Variants in CASP6 observed in about 807,000 individuals in gnomAD.
CASP6 encodes the protein caspase-6.
CASP6 carries 20 observed loss-of-function variants against 31.8 expected under a neutral mutation model. That is an observed-to-expected ratio of 0.63 (90% CI 0.44 to 0.91). CASP6 has a LOEUF of 0.91. Among genes scored for constraint, CASP6 ranks in the 40% least tolerant of loss-of-function variants. CASP6 has a pLI of 0.00. For missense variants in CASP6, 328 were observed against 361.1 expected, an observed-to-expected ratio of 0.91 and a Z score of 0.74; for synonymous variants, 130 against 127.8, an observed-to-expected ratio of 1.02 and a Z score of -0.12.
In CASP6 at chr4:109,689,548, T is replaced by C. The variant is rs758782935; in HGVS notation, c.664A>G (p.Thr222Ala). The change falls in exon 7 of 7, where the codon ACT becomes GCT. Residue 222 changes from threonine to alanine, a missense_variant. By Grantham distance (58) the Thr-to-Ala change is moderately conservative (BLOSUM62 0). Coordinates refer to ENST00000265164, the MANE Select transcript of CASP6 (RefSeq NM_001226.4). ...VAEGYYSHRE[T>A]VNGSWYIQDL... is the part of the protein sequence containing the mutation. ...TGAATGTACCATGAGCCGTTCACAG[T>C]TTCCCGGTGAGAATAATATCCTAAA... is the stretch of plus-strand genomic sequence containing the variant. The C allele has an allele frequency of 6.2e-7, 1 of 1,614,122 alleles. No homozygotes were observed. Among genetic ancestry groups the C allele is most frequent in the Non-Finnish European group, 8.5e-7 (1 of 1,180,002 alleles).
chr4:109,694,834 C>A, intron 4 of CASP6, 134 bp from the exon 5 acceptor site: 1 of 905,994 alleles, frequency 1.1e-6, no homozygotes, highest in African/African-American at 1.8e-5. Flanking sequence ...GTGGTTTTGT[C>A]TTTTTTGTTT....
the CASP6 span, among the ~76,000 whole-genome samples, chr4:109,665,939 G>A: frequency 6.6e-6 from 1 of 151,678 alleles, no homozygotes; most frequent in Non-Finnish European, 1.5e-5. Flanking sequence ...AGTGAAAAAA[G>A]GGGGAGAGTG....
chr4:109,703,528 A>T (rs1730502933), upstream of CASP6: 16 of 1,161,728 alleles, frequency 1.4e-5, no homozygotes, highest in Non-Finnish European at 1.9e-5. Context: ...GTTGGTTCTG[A>T]TTGCGCGCCG....
chr4:109,671,173 G>T, the CASP6 span, among the ~76,000 whole-genome samples: 2 of 152,160 alleles, frequency 1.3e-5, no homozygotes, highest in African/African-American at 4.8e-5. Flanking sequence ...GACAACTTTG[G>T]AGTTTTTTTA....
At position 109,697,771 on chromosome 4, in the gene CASP6, G is replaced by T; in HGVS notation, c.84-3C>A. On this transcript the variant is annotated splice_region_variant and splice_polypyrimidine_tract_variant and intron_variant, in intron 2 of 6. Transcript: ENST00000265164. ...TTTCTGCCGGATCAAACATTTCTCT[G>T]TTAATGAAAAGTTGAAAAACAATCA... The T allele has an allele frequency of 6.2e-7, 1 of 1,611,386 alleles. No individual in the cohort carries two copies. Among genetic ancestry groups the T allele is most frequent in the Non-Finnish European group, 8.5e-7 (1 of 1,179,222 alleles).
chr4:109,705,479 T>G (rs898445916), upstream of CASP6, among the ~76,000 whole-genome samples: 2 of 152,160 alleles, frequency 1.3e-5, no homozygotes, highest in Non-Finnish European at 2.9e-5. Context: ...GACTTTCAAG[T>G]CTTATTTACA....
At chr4:109,703,157 T>C (rs1730479911) in intron 1 of CASP6, among the ~76,000 whole-genome samples, 199 bp downstream of exon 1, 1 of 152,170 alleles carries the variant, frequency 6.6e-6, no homozygotes, top group African/African-American at 2.4e-5. Flanking sequence ...CGAGTGTTTC[T>C]TAGACTGAAG....
At chr4:109,669,668 T>C in the CASP6 span, among the ~76,000 whole-genome samples, 6 of 151,920 alleles carry the variant, frequency 3.9e-5, no homozygotes, top group Non-Finnish European at 7.4e-5. Context: ...ATTTTGTGGC[T>C]GTCCTAAAGT....
At chr4:109,684,723 G>A (rs576569615), downstream of CASP6, 18 of 718,088 alleles carry the variant, frequency 2.5e-5, no homozygotes, top group African/African-American at 2.3e-4. Flanking sequence ...GAGCAAAAAA[G>A]CCTTTTTATT....
At chr4:109,684,431 A>G (rs759927967), downstream of CASP6, 4 of 1,589,244 alleles carry the variant, frequency 2.5e-6, no homozygotes, top group South Asian at 4.6e-5. Context: ...ACAGTTTTTC[A>G]TTCCCCCTCA....
chr4:109,679,787 T>TTTGTTGTTGTTGTTGTTG, the CASP6 span, among the ~76,000 whole-genome samples: 2 of 151,564 alleles, frequency 1.3e-5, no homozygotes, highest in African/African-American at 4.9e-5. Context: ...GAGGTATAAT[T>TTTGTTGTTGTTGTTGTTG]TTGTTGTTGT....
chr4:109,679,787 TTTGTTG>T, the CASP6 span, among the ~76,000 whole-genome samples: 15 of 151,564 alleles, frequency 9.9e-5, no homozygotes, highest in East Asian at 1.9e-4. Context: ...GAGGTATAAT[TTTGTTG>T]TTGTTGTTGT....
intron 6 of CASP6, 107 bp from the exon 7 acceptor site, chr4:109,689,675 T>G: frequency 1.0e-6 from 1 of 977,266 alleles, no homozygotes; most frequent in Non-Finnish European, 1.6e-6. Context: ...CTTAGAAGAG[T>G]CTTAAGATGT....
At chr4:109,706,067 T>TTA (rs1427957232), upstream of CASP6, among the ~76,000 whole-genome samples, 13 of 101,352 alleles carry the variant, frequency 1.3e-4, no homozygotes, top group African/African-American at 4.0e-4. Flanking sequence ...TATTTAAAAA[T>TTA]TATATATATT....
At chr4:109,691,698 C>T (rs1730061058) in intron 5 of CASP6, among the ~76,000 whole-genome samples, 1 of 152,158 alleles carries the variant, frequency 6.6e-6, no homozygotes, top group Admixed American at 6.5e-5. Context: ...AGTCCTAGCC[C>T]CAATACCTCA....
chr4:109,675,954 T>G, the CASP6 span, among the ~76,000 whole-genome samples: 2 of 152,204 alleles, frequency 1.3e-5, no homozygotes, highest in African/African-American at 4.8e-5. Flanking sequence ...TTGTTCTTCC[T>G]AAGTTGCCCA....
chr4:109,701,116 C>G (rs1029187331), intron 1 of CASP6, among the ~76,000 whole-genome samples: 1 of 152,010 alleles, frequency 6.6e-6, no homozygotes, highest in African/African-American at 2.4e-5. Context: ...CGCCACCACA[C>G]CCAGCTACTT....
chr4:109,703,389 A>T lies in CASP6; in HGVS notation c.7T>A (p.Ser3Thr). 6.2e-7 allele frequency: 1 copy of T among 1,611,740 alleles called. No individual in the cohort carries two copies. Among genetic ancestry groups the T allele is most frequent in the Non-Finnish European group, 8.5e-7 (1 of 1,179,218 alleles). The change falls in exon 1 of 7, where the codon TCG becomes ACG. Residue 3 changes from serine to threonine, a missense_variant. Transcript: ENST00000265164. Reference sequence around the variant, plus strand: ...TGCCCCCTGCGGAGCCCCGAGGCCGAGCTCATTGCAGCCAAACGCGCAGCC... The same window carrying T: ...TGCCCCCTGCGGAGCCCCGAGGCCGTGCTCATTGCAGCCAAACGCGCAGCC... MS[S>T]ASGLRRGHPA...
intron 1 of CASP6, 38 bp downstream of exon 1, chr4:109,703,318 C>T: frequency 6.3e-7 from 1 of 1,594,052 alleles, no homozygotes; most frequent in Non-Finnish European, 8.5e-7. Context: ...GAGCAAGACG[C>T]AGACCTGCTC....
Sources: gnomAD v4.1 joint callset for allele counts (sites outside exome capture counted in the v4.1 genomes callset) on GRCh38, gnomAD v4.1.1 for gene constraint, MANE v1.5 for transcripts, NCBI Gene and HGNC (gene_info 2026-07-23, HGNC 2026-07-21) for gene names.